The following GABPB1 variants were observed in gnomAD, a reference collection of about 807,000 sequenced individuals.
The protein encoded by GABPB1 is GA-binding protein subunit beta-1.
In GABPB1, 15 loss-of-function variants were observed where a neutral mutation model predicts 45.9. The ratio of observed to expected loss-of-function variants is 0.33; its 90% CI spans 0.22 to 0.50. The LOEUF is 0.50. Among genes scored for constraint, GABPB1 ranks in the 20% least tolerant of loss-of-function variants. The probability of loss-of-function intolerance (pLI) is 0.98; values close to 1 mark genes in which losing one functional copy is unlikely to be tolerated. For missense variants in GABPB1, 252 were observed against 457.5 expected (o/e 0.55, Z 4.10); for synonymous variants, 143 against 154.4 (o/e 0.93, Z 0.55).
At chr15:50,317,855 G>C (rs549899088) in intron 1 of GABPB1, among the ~76,000 whole-genome samples, 5 of 150,792 alleles carry the variant, frequency 3.3e-5, no homozygotes, top group African/African-American at 1.2e-4. Context: ...CTTGCAGTGA[G>C]CCGAGATCGC....
At chr15:50,280,412 G>A (rs1333733342) in intron 8 of GABPB1, among the ~76,000 whole-genome samples, 1 of 152,184 alleles carries the variant, frequency 6.6e-6, no homozygotes, top group Non-Finnish European at 1.5e-5. Context: ...CCAGGAGCTA[G>A]ACCACAGCTC....
chr15:50,320,859 G>C (rs1292512872), intron 1 of GABPB1, among the ~76,000 whole-genome samples: 1 of 152,104 alleles, frequency 6.6e-6, no homozygotes, highest in Non-Finnish European at 1.5e-5. Context: ...ATGGAGGAAG[G>C]GGTCACAGGT....
chr15:50,303,039 C>T lies in GABPB1; in HGVS notation c.361G>A (p.Glu121Lys), dbSNP rs373513281. The change falls in exon 4 of 9, where the codon GAA (glutamate) becomes AAA (lysine). Residue 121 changes from glutamate to lysine, a missense_variant. Glu to Lys is a moderately conservative substitution (Grantham distance 56). Coordinates refer to ENST00000380877, the MANE Select transcript of GABPB1 (RefSeq NM_016654.5). ...ATEHNHQEVVELLIKYGADVH... is the reference protein window; with the variant it reads ...ATEHNHQEVVKLLIKYGADVH... ...TCAGCACCATATTTGATTAAAAGTT[C>T]CACCACCTCTTGATGATTGTGTTCT... 13 of 1,613,772 alleles carry T rather than the reference C, an allele frequency of 8.1e-6. No homozygotes were observed. The highest frequency in any genetic ancestry group is 3.3e-5 in the Admixed American group (2 of 59,982).
chr15:50,284,058 C>A (rs529015048), intron 8 of GABPB1, among the ~76,000 whole-genome samples: 1 of 152,238 alleles, frequency 6.6e-6, no homozygotes, highest in South Asian at 2.1e-4. Flanking sequence ...TCATGACAAC[C>A]AAATATATCT....
At chr15:50,284,376 T>G (rs1250003263) in intron 8 of GABPB1, among the ~76,000 whole-genome samples, 1 of 152,196 alleles carries the variant, frequency 6.6e-6, no homozygotes, top group Non-Finnish European at 1.5e-5. Context: ...AGATTTCCAT[T>G]ACCAGAAAGC....
intron 8 of GABPB1, among the ~76,000 whole-genome samples, chr15:50,282,112 T>C (rs765201130): frequency 1.8e-4 from 28 of 152,216 alleles, no homozygotes; most frequent in Non-Finnish European, 3.4e-4. Context: ...GGTGGGAGGA[T>C]TGCTTGAGCC....
intron 1 of GABPB1, among the ~76,000 whole-genome samples, chr15:50,323,765 A>C: frequency 6.6e-6 from 1 of 152,128 alleles, no homozygotes; most frequent in East Asian, 1.9e-4. Flanking sequence ...ACAGCTACTC[A>C]GGAGGCTGGG....
intron 1 of GABPB1, chr15:50,314,508 G>C (rs779039318): frequency 7.2e-5 from 11 of 152,232 alleles, no homozygotes; most frequent in Non-Finnish European, 1.5e-4. Context: ...AATGTAGATG[G>C]ATTCTTGGAA....
At chr15:50,354,484 C>G in intron 1 of GABPB1, 1 of 448,922 alleles carries the variant, frequency 2.2e-6, no homozygotes, top group Non-Finnish European at 4.5e-6. Flanking sequence ...TTCCCCTCTC[C>G]GGAGAGCCCG....
chr15:50,325,840 T>G (rs1208169049), intron 1 of GABPB1, among the ~76,000 whole-genome samples: 8 of 152,018 alleles, frequency 5.3e-5, no homozygotes, highest in Admixed American at 3.9e-4. Flanking sequence ...CTGGTCAAAC[T>G]TCTTGAAGCC....
At chr15:50,316,895 C>T (rs1395886186) in intron 1 of GABPB1, among the ~76,000 whole-genome samples, 1 of 152,036 alleles carries the variant, frequency 6.6e-6, no homozygotes, top group Admixed American at 6.5e-5. Context: ...CAATTAATGG[C>T]TGACTCATTT....
chr15:50,288,834 T>C (rs80131736), intron 7 of GABPB1, among the ~76,000 whole-genome samples: 1 of 152,154 alleles, frequency 6.6e-6, no homozygotes, highest in African/African-American at 2.4e-5. Context: ...CTTTTTTTTT[T>C]TCTTTTTCTG....
intron 2 of GABPB1, among the ~76,000 whole-genome samples, chr15:50,307,281 A>G (rs190520168): frequency 9.2e-5 from 14 of 152,270 alleles, no homozygotes; most frequent in Admixed American, 7.8e-4. Context: ...TCATGATTTT[A>G]CTTTGCATTT....
At chr15:50,333,572 A>C (rs2048015871) in intron 1 of GABPB1, among the ~76,000 whole-genome samples, 1 of 152,222 alleles carries the variant, frequency 6.6e-6, no homozygotes, top group Non-Finnish European at 1.5e-5. Context: ...ATGATCTTTC[A>C]TAGGTGAGAT....
chr15:50,323,198 A>T (rs943724410), intron 1 of GABPB1, among the ~76,000 whole-genome samples: 3 of 152,122 alleles, frequency 2.0e-5, no homozygotes, highest in Non-Finnish European at 4.4e-5. Flanking sequence ...GCTACTAGAA[A>T]TTTTTAAATT....
intron 1 of GABPB1, chr15:50,346,419 C>T (rs1401116727): frequency 6.6e-6 from 1 of 151,980 alleles, no homozygotes; most frequent in Non-Finnish European, 1.5e-5. Context: ...CAGAAGAAAT[C>T]GATGGTGGAA....
intron 1 of GABPB1, among the ~76,000 whole-genome samples, chr15:50,316,418 C>G (rs546356086): frequency 6.6e-6 from 1 of 152,142 alleles, no homozygotes; most frequent in Non-Finnish European, 1.5e-5. Context: ...TGGTTACTAG[C>G]ACTCTTAAAT....
At chr15:50,295,818 A>G (rs2046490534) in intron 6 of GABPB1, among the ~76,000 whole-genome samples, 1 of 152,106 alleles carries the variant, frequency 6.6e-6, no homozygotes, top group Non-Finnish European at 1.5e-5. Context: ...TCCAGTGAAC[A>G]ATAACAGTAA....
At chr15:50,339,581 T>C (rs1280635278) in intron 1 of GABPB1, among the ~76,000 whole-genome samples, 1 of 152,148 alleles carries the variant, frequency 6.6e-6, no homozygotes, top group Non-Finnish European at 1.5e-5. Flanking sequence ...TTATCAGATA[T>C]ACATTCTCTA....
Sources: allele counts gnomAD v4.1 joint callset (sites outside exome capture counted in the v4.1 genomes callset), GRCh38; gene constraint gnomAD v4.1.1; transcripts MANE v1.5; gene names NCBI Gene and HGNC (gene_info 2026-07-23, HGNC 2026-07-21).